Variants in UTP6 observed in about 807,000 individuals in gnomAD.
UTP6 encodes the protein UTP6 small subunit processome component.
Under a neutral mutation model 96.5 loss-of-function variants are expected in UTP6, and 60 were observed. That is an observed-to-expected ratio of 0.62 (90% CI 0.51 to 0.77). The LOEUF (loss-of-function observed/expected upper bound fraction) is 0.77, where lower values mean the gene tolerates loss of function less well. Among genes scored for constraint, UTP6 ranks in the 30% least tolerant of loss-of-function variants. UTP6 has a pLI of 0.00. For synonymous variants in UTP6, 215 were observed against 240.1 expected, an observed-to-expected ratio of 0.90 and a Z score of 0.96; for missense variants, 637 against 706.5, an observed-to-expected ratio of 0.90 and a Z score of 1.12.
chr17:31,896,892 G>A (rs1024613992), intron 2 of UTP6, among the ~76,000 whole-genome samples: 7 of 151,748 alleles, frequency 4.6e-5, no homozygotes, highest in Non-Finnish European at 7.4e-5. Context: ...TGTCTCACAC[G>A]TGAGCCGCCA....
At chr17:31,891,892 G>A (rs991787032) in intron 6 of UTP6, among the ~76,000 whole-genome samples, 13 of 152,198 alleles carry the variant, frequency 8.5e-5, no homozygotes, top group South Asian at 4.1e-4. Flanking sequence ...GCGTGGTGGC[G>A]GGCACCTGTA....
In UTP6 at chr17:31,880,564, G is replaced by A; in HGVS notation, c.967+9C>T. 3.1e-6 allele frequency: 5 copies of A among 1,614,044 alleles called. No individual in the cohort carries two copies. Among genetic ancestry groups the A allele is most frequent in the South Asian group, 2.2e-5 (2 of 91,070 alleles). Reference sequence around the variant, plus strand: ...CTTCTATATCACACCATGGTTTGGTGAAGTTCACCTGTTGGCAGAGTCTTC... The same window carrying A: ...CTTCTATATCACACCATGGTTTGGTAAAGTTCACCTGTTGGCAGAGTCTTC... On this transcript the variant is annotated intron_variant, in intron 11 of 18. Transcript: ENST00000261708.
At chr17:31,885,896 A>C in intron 9 of UTP6, 84 bp downstream of exon 9, 2 of 1,275,376 alleles carry the variant, frequency 1.6e-6, no homozygotes, top group Non-Finnish European at 2.2e-6. Flanking sequence ...ATTCTAATGG[A>C]AAATTTCAAA....
chr17:31,886,608 G>C (rs1204729411), intron 8 of UTP6: 3 of 153,530 alleles, frequency 2.0e-5, no homozygotes, highest in Non-Finnish European at 4.3e-5. Context: ...AGGTTGCAGT[G>C]AGCCAAGATC....
chr17:31,873,386 C>T lies in UTP6; in HGVS notation c.1488G>A (p.Val496=), dbSNP rs772656795. Residue 496 remains valine (V), a synonymous_variant, in exon 16 of 19, where the codon GTG becomes GTA. Coordinates refer to ENST00000261708, the MANE Select transcript of UTP6 (RefSeq NM_018428.3). The stretch of plus-strand genomic sequence containing the variant: ...TGAACGTCTGTGAGTACCTTTTAAA[C>T]ACAGCTCTGGCCTTTTTGTAGCCAC... ...RSGGYKKARA[V]FKSLQESRPF... is the part of the protein sequence containing the mutation. 2.5e-6 allele frequency: 4 copies of T among 1,614,166 alleles called. No homozygotes were observed. The South Asian group carries it at 4.4e-5, about 18-fold the overall frequency.
chr17:31,900,399 C>T (rs2142331052), intron 1 of UTP6, among the ~76,000 whole-genome samples: 1 of 152,148 alleles, frequency 6.6e-6, no homozygotes, highest in Non-Finnish European at 1.5e-5. Flanking sequence ...TCAAGCGATT[C>T]TCCTGCCTCA....
chr17:31,870,666 C>T (rs577428136), intron 16 of UTP6, among the ~76,000 whole-genome samples: 4 of 151,568 alleles, frequency 2.6e-5, no homozygotes, highest in African/African-American at 7.3e-5. Flanking sequence ...GGACTACAGG[C>T]GCCCGCCACC....
chr17:31,896,891 C>T (rs992778368), intron 2 of UTP6, among the ~76,000 whole-genome samples: 10 of 152,232 alleles, frequency 6.6e-5, no homozygotes, highest in African/African-American at 1.9e-4. Flanking sequence ...CTGTCTCACA[C>T]GTGAGCCGCC....
chr17:31,880,711 C>T lies in UTP6; in HGVS notation c.829G>A (p.Val277Met). The T allele has an allele frequency of 1.2e-6, 2 of 1,614,162 alleles. No individual in the cohort carries two copies. Among genetic ancestry groups the T allele is most frequent in the Non-Finnish European group, 1.7e-6 (2 of 1,180,038 alleles). ...TCAATCTCTAATTCTCGCCTTGCCA[C>T]ATAATCCCAAGTGAGAGGATCATCT... The part of the protein sequence containing the change: ...HTDDPLTWDY[V>M]ARRELEIESQ... The change falls in exon 11 of 19, where the codon GTG becomes ATG. Residue 277 changes from valine (V) to methionine (M), a missense_variant. Coordinates refer to ENST00000261708, the MANE Select transcript of UTP6 (RefSeq NM_018428.3).
chr17:31,885,279 G>T (rs1288943952), intron 9 of UTP6, among the ~76,000 whole-genome samples: 1 of 151,516 alleles, frequency 6.6e-6, no homozygotes, highest in Non-Finnish European at 1.5e-5. Flanking sequence ...CAAGTAGCTG[G>T]GATTACAGGC....
chr17:31,868,043 T>C lies in UTP6; in HGVS notation c.1563+3A>G, dbSNP rs1235304352. On this transcript the variant is annotated splice_donor_region_variant and intron_variant, in intron 17 of 18. Transcript: ENST00000261708. ...ACAAGAAATGCTGAAACAGAACACT[T>C]ACTTGCTCCTTTTCAAACTGAATCA... 6.2e-7 allele frequency: 1 copy of C among 1,612,746 alleles called. No homozygotes were observed. The highest frequency in any genetic ancestry group is 2.2e-5 in the East Asian group (1 of 44,846).
At chr17:31,875,785 T>C (rs1010672112) in intron 13 of UTP6, among the ~76,000 whole-genome samples, 3 of 144,662 alleles carry the variant, frequency 2.1e-5, no homozygotes, top group Non-Finnish European at 4.5e-5. Flanking sequence ...ATCACACCAC[T>C]GCACTCCAAC....
At position 31,865,417 on chromosome 17, in the gene UTP6, T is replaced by C. The variant is rs762017108; in HGVS notation, c.1585A>G (p.Ile529Val). 1.9e-6 allele frequency: 3 copies of C among 1,614,064 alleles called. No homozygotes were observed. The highest frequency in any genetic ancestry group is 2.2e-5 in the East Asian group (1 of 44,886). The change falls in exon 18 of 19, where the codon ATA becomes GTA. Residue 529 changes from isoleucine (I) to valine (V), a missense_variant. Coordinates refer to ENST00000261708, the MANE Select transcript of UTP6 (RefSeq NM_018428.3). ...KEQESCNMAN[I>V]REYYERALRE... is the part of the protein sequence containing the mutation. ...AAAGCTCTCTCATAATATTCTCTTA[T>C]GTTCGCCATATTGCAGGATTCCTGA...
intron 8 of UTP6, 105 bp downstream of exon 8, chr17:31,887,131 A>G: frequency 9.3e-7 from 1 of 1,071,542 alleles, no homozygotes; most frequent in Non-Finnish European, 1.3e-6. Flanking sequence ...TCAAAAAAAA[A>G]GAAAAAAAAA....
rs546783462 is a variant in UTP6, at chr17:31,893,212, G to C, written c.313-418C>G. Among the ~76,000 whole-genome samples, 5 of 152,106 alleles carry C rather than the reference G, an allele frequency of 3.3e-5. No homozygotes were observed. The East Asian group carries it at 9.7e-4, about 30-fold the overall frequency. On this transcript the variant is annotated intron_variant, in intron 4 of 18. Transcript: ENST00000261708. ...CGCTTGAAGCCGGGAGGCCGAGATCGGGCCACTGCACTCCAGCCTGGGCAA... is the reference window on the plus strand; with the variant it reads ...CGCTTGAAGCCGGGAGGCCGAGATCCGGCCACTGCACTCCAGCCTGGGCAA...
chr17:31,883,308 A>C (rs1388486597), intron 10 of UTP6, among the ~76,000 whole-genome samples: 1 of 151,250 alleles, frequency 6.6e-6, no homozygotes, highest in African/African-American at 2.4e-5. Context: ...ATTTTATATA[A>C]GCTTTAGATT....
chr17:31,887,191 G>A (rs1324795333), intron 8 of UTP6, 45 bp downstream of exon 8: 5 of 1,519,976 alleles, frequency 3.3e-6, no homozygotes, highest in Non-Finnish European at 3.7e-6. Context: ...GGCTCAAAAT[G>A]TTATACATCG....
intron 14 of UTP6, among the ~76,000 whole-genome samples, chr17:31,874,537 C>T (rs923012350): frequency 3.8e-5 from 5 of 132,024 alleles, no homozygotes; most frequent in Non-Finnish European, 7.9e-5. Flanking sequence ...CAGAACAAGA[C>T]TTCATCTCAA....
At position 31,862,483 on chromosome 17, in the gene UTP6, C is replaced by A. The variant is rs1408148217; in HGVS notation, c.*876G>T. The A allele has an allele frequency of 6.6e-6, 1 of 152,124 alleles. No individual in the cohort carries two copies. Among genetic ancestry groups the A allele is most frequent in the Non-Finnish European group, 1.5e-5 (1 of 68,024 alleles). The allele number at this position is 152,124 out of a possible 1,614,324, so 9.4% of individuals were successfully genotyped here. A position where few individuals can be genotyped will look rare whatever the true frequency, so the allele number is the denominator to read the frequency against. ...AGTGACAGGATGCTTTTTTTTACCACACTATTCTATTTCCTCCATATTTTC... is the reference window on the plus strand; with the variant it reads ...AGTGACAGGATGCTTTTTTTTACCAAACTATTCTATTTCCTCCATATTTTC... On this transcript the variant is annotated 3_prime_UTR_variant, in exon 19 of 19. Transcript: ENST00000261708.
Sources: gnomAD v4.1 joint callset for allele counts (sites outside exome capture counted in the v4.1 genomes callset) on GRCh38, gnomAD v4.1.1 for gene constraint, MANE v1.5 for transcripts, NCBI Gene and HGNC (gene_info 2026-07-23, HGNC 2026-07-21) for gene names.